Variants in WDR49 observed in about 807,000 individuals in gnomAD.
WDR49 encodes the protein WD repeat domain 49.
A neutral mutation model predicts 119.5 loss-of-function variants in WDR49; 107 were observed. That is an observed-to-expected ratio of 0.90 (90% CI 0.77 to 1.05). The LOEUF (loss-of-function observed/expected upper bound fraction) is 1.05. Ranked by LOEUF, WDR49 falls within the 50% of genes least tolerant of loss-of-function variation. The probability of loss-of-function intolerance (pLI) is 0.00; values close to 1 mark genes in which losing one functional copy is unlikely to be tolerated. For synonymous variants in WDR49, 425 were observed against 418.8 expected, an observed-to-expected ratio of 1.01 and a Z score of -0.18; for missense variants, 1,240 against 1,220.5, an observed-to-expected ratio of 1.02 and a Z score of -0.24.
intron 7 of WDR49, among the ~76,000 whole-genome samples, chr3:167,584,111 TC>T (rs761204738): frequency 6.6e-6 from 1 of 151,914 alleles, no homozygotes; most frequent in East Asian, 1.9e-4. Flanking sequence ...ACAAGAGAGT[TC>T]AAGAAAACCT....
At chr3:167,621,348 C>CCATA in intron 4 of WDR49, 119 bp downstream of exon 4, 2 of 1,027,766 alleles carry the variant, frequency 1.9e-6, no homozygotes, top group Non-Finnish European at 2.7e-6. Context: ...GTCCAATGTG[C>CCATA]ATGTAATCCA....
At chr3:167,513,487 T>C (rs1454078632) in intron 16 of WDR49, among the ~76,000 whole-genome samples, 1 of 152,128 alleles carries the variant, frequency 6.6e-6, no homozygotes, top group African/African-American at 2.4e-5. Context: ...GAAAAACCGT[T>C]ATCAGTCAAT....
intron 7 of WDR49, among the ~76,000 whole-genome samples, chr3:167,594,970 C>A (rs1470366301): frequency 1.3e-5 from 2 of 150,262 alleles, no homozygotes; most frequent in African/African-American, 4.9e-5. Context: ...TAGAAAACCC[C>A]ATTGTCTCAG....
Position 167,630,203 on chromosome 3 carries a change from A to G in WDR49, c.166-2911T>C, listed in dbSNP as rs190835588. 3.9e-4 allele frequency among the ~76,000 whole-genome samples: 60 copies of G among 152,228 alleles called. 2 individuals carry two copies. The East Asian group carries it at 0.011, about 28-fold the overall frequency. ...AATTGCCACAGCCGTCTCAATCGTC[A>G]GCAACCACCACCCTGATCAGTCAGC... On this transcript the variant is annotated intron_variant, in intron 2 of 18. Transcript: ENST00000682715.
At chr3:167,495,673 A>G (rs1577196754) in intron 18 of WDR49, among the ~76,000 whole-genome samples, 1 of 152,082 alleles carries the variant, frequency 6.6e-6, no homozygotes, top group African/African-American at 2.4e-5. Flanking sequence ...TTGAAAAAAG[A>G]TGCATTTGAT....
At position 167,534,841 on chromosome 3, in the gene WDR49, GGACA is replaced by G. The variant is rs1478199508; in HGVS notation, c.1955-1868_1955-1865del. ...GCTTGGATTTGTAGACATTTTGTGA[GGACA>G]GACTTTTATCAACATTATCTGGGCT... On this transcript the variant is annotated intron_variant, in intron 11 of 18. Transcript: ENST00000682715. Among the ~76,000 whole-genome samples the G allele has an allele frequency of 4.6e-5, 7 of 152,222 alleles. No individual in the cohort carries two copies. The East Asian group carries it at 1.4e-3, about 29-fold the overall frequency.
intron 8 of WDR49, chr3:167,566,865 T>C: frequency 1.5e-6 from 1 of 687,898 alleles, no homozygotes; most frequent in Non-Finnish European, 2.7e-6. Flanking sequence ...CATAAGGGTC[T>C]TCATTCGTGT....
intron 7 of WDR49, among the ~76,000 whole-genome samples, chr3:167,577,803 T>C (rs766834621): frequency 6.6e-6 from 1 of 152,172 alleles, no homozygotes; most frequent in Non-Finnish European, 1.5e-5. Flanking sequence ...TATTGCCCCA[T>C]AAGGCAGGCA....
intron 2 of WDR49, among the ~76,000 whole-genome samples, chr3:167,635,156 G>C (rs1717552985): frequency 6.6e-6 from 1 of 151,638 alleles, no homozygotes; most frequent in Non-Finnish European, 1.5e-5. Context: ...ACACATCATT[G>C]CTAAGCTGTC....
chr3:167,593,407 A>G (rs1715239967), intron 7 of WDR49, among the ~76,000 whole-genome samples: 1 of 151,602 alleles, frequency 6.6e-6, no homozygotes, highest in African/African-American at 2.4e-5. Flanking sequence ...CACATTCTTC[A>G]GTTTGTCAAT....
At chr3:167,612,763 G>C (rs1446472997) in intron 5 of WDR49, among the ~76,000 whole-genome samples, 2 of 151,454 alleles carry the variant, frequency 1.3e-5, no homozygotes, top group African/African-American at 4.9e-5. Flanking sequence ...GACTGAATTG[G>C]GAAGAAATCT....
intron 10 of WDR49, among the ~76,000 whole-genome samples, chr3:167,538,812 G>C (rs1443096842): frequency 2.0e-5 from 3 of 152,072 alleles, no homozygotes; most frequent in Admixed American, 1.3e-4. Flanking sequence ...ATAAAATATG[G>C]GTAGGATTTG....
intron 7 of WDR49, among the ~76,000 whole-genome samples, chr3:167,576,974 T>G (rs1461511758): frequency 1.3e-5 from 2 of 152,140 alleles, no homozygotes; most frequent in Non-Finnish European, 2.9e-5. Flanking sequence ...TATATGTATA[T>G]ATGTATTTTT....
At chr3:167,563,311 G>A (rs772090365) in intron 8 of WDR49, among the ~76,000 whole-genome samples, 3 of 136,464 alleles carry the variant, frequency 2.2e-5, no homozygotes, top group Non-Finnish European at 3.0e-5. Flanking sequence ...CCAAGATAGC[G>A]CCACCGCACT....
At position 167,559,314 on chromosome 3, in the gene WDR49, T is replaced by A. The variant is rs140007574; in HGVS notation, c.1674+750A>T. 3.6e-3 allele frequency among the ~76,000 whole-genome samples: 555 copies of A among 152,304 alleles called. 2 individuals are homozygous for A. The highest frequency in any genetic ancestry group is 0.013 in the African/African-American group (523 of 41,558). On this transcript the variant is annotated intron_variant, in intron 9 of 18. Coordinates refer to ENST00000682715, the MANE Select transcript of WDR49 (RefSeq NM_001366157.1). ...AACATTCAAAGTTTATTCAGGGAAT[T>A]ACCTTCTATTGCCTCAAAATGGCAC... is the stretch of plus-strand genomic sequence containing the variant.
intron 7 of WDR49, among the ~76,000 whole-genome samples, chr3:167,588,472 A>T (rs1379502051): frequency 6.6e-6 from 1 of 152,180 alleles, no homozygotes; most frequent in Non-Finnish European, 1.5e-5. Flanking sequence ...TATACCTAGT[A>T]GTGGGAATGC....
chr3:167,529,099 G>C lies in WDR49; in HGVS notation c.2359C>G (p.Leu787Val). The C allele has an allele frequency of 6.2e-7, 1 of 1,605,552 alleles. No homozygotes were observed. The highest frequency in any genetic ancestry group is 8.5e-7 in the Non-Finnish European group (1 of 1,177,456). ...IMSTDKMNRY[L>V]TTGDLDGWLK... ...CATCCATCAAGATCTCCTGTGGTAAGGTATCGATTCATCTTATCAGTAGAC... is the reference window on the plus strand; with the variant it reads ...CATCCATCAAGATCTCCTGTGGTAACGTATCGATTCATCTTATCAGTAGAC... The change falls in exon 14 of 19, where the codon CTT (leucine) becomes GTT (valine). Residue 787 changes from leucine (L) to valine (V), a missense_variant. Coordinates refer to ENST00000682715, the MANE Select transcript of WDR49 (RefSeq NM_001366157.1).
At chr3:167,612,336 G>A (rs1325907036) in intron 5 of WDR49, among the ~76,000 whole-genome samples, 1 of 151,740 alleles carries the variant, frequency 6.6e-6, no homozygotes, top group East Asian at 1.9e-4. Context: ...GCAGTACTAA[G>A]AGGGAAGTTT....
chr3:167,489,163 T>C (rs912365888), intron 18 of WDR49, among the ~76,000 whole-genome samples: 2 of 152,048 alleles, frequency 1.3e-5, no homozygotes, highest in African/African-American at 4.8e-5. Flanking sequence ...GCAGTAGACT[T>C]TGTTTGCCTT....
Sources: gnomAD v4.1 joint callset for allele counts (sites outside exome capture counted in the v4.1 genomes callset) on GRCh38, gnomAD v4.1.1 for gene constraint, MANE v1.5 for transcripts, NCBI Gene and HGNC (gene_info 2026-07-23, HGNC 2026-07-21) for gene names.